The following GAS2 variants were observed in gnomAD, a reference collection of about 807,000 sequenced individuals.
GAS2 encodes the protein growth arrest specific 2, also known as growth arrest-specific protein 2.
Under a neutral mutation model 37.5 loss-of-function variants are expected in GAS2, and 20 were observed. The observed-to-expected ratio is 0.53, with a 90% CI of 0.37 to 0.77. GAS2 has a LOEUF of 0.77. Ranked by LOEUF, GAS2 falls within the 30% of genes least tolerant of loss-of-function variation. The pLI is 0.00. For synonymous variants in GAS2, 144 were observed against 132.2 expected (o/e 1.09, Z -0.61); for missense variants, 336 against 373.4 (o/e 0.90, Z 0.82).
At chr11:22,763,697 C>T (rs1052953593) in intron 7 of GAS2, among the ~76,000 whole-genome samples, 31 of 150,920 alleles carry the variant, frequency 2.1e-4, no homozygotes, top group Admixed American at 1.6e-3. Context: ...ATAGTGGATG[C>T]CATTTTAAAA....
At position 22,721,438 on chromosome 11, in the gene GAS2, T is replaced by C. The variant is rs562314541; in HGVS notation, c.268-4854T>C. Among the ~76,000 whole-genome samples the C allele has an allele frequency of 5.3e-5, 8 of 152,170 alleles. No homozygotes were observed. In the South Asian group the frequency reaches 1.7e-3, roughly 31 times the overall value. On this transcript the variant is annotated intron_variant, in intron 3 of 7. Transcript: ENST00000454584. The stretch of plus-strand genomic sequence containing the variant: ...AAAATGACTTTCATGTTTGTATGTC[T>C]TAGTAACTACACCCAGGGTAACTAC...
intron 1 of GAS2, among the ~76,000 whole-genome samples, chr11:22,648,770 A>G (rs1474258331): frequency 6.6e-6 from 1 of 152,164 alleles, no homozygotes; most frequent in Non-Finnish European, 1.5e-5. Flanking sequence ...TTGTACATTG[A>G]TTTTGTATCC....
At chr11:22,721,724 C>T (rs892435354) in intron 3 of GAS2, among the ~76,000 whole-genome samples, 9 of 151,980 alleles carry the variant, frequency 5.9e-5, no homozygotes, top group African/African-American at 2.2e-4. Flanking sequence ...AGATATAGGA[C>T]ATTTTTATCA....
At chr11:22,667,380 A>T (rs1336330696) in intron 1 of GAS2, among the ~76,000 whole-genome samples, 3 of 152,124 alleles carry the variant, frequency 2.0e-5, no homozygotes, top group African/African-American at 7.2e-5. Flanking sequence ...TGAATGTTTT[A>T]CTTGAGTCGT....
At chr11:22,748,061 T>C (rs75442112) in intron 5 of GAS2, among the ~76,000 whole-genome samples, 2,097 of 152,188 alleles carry the variant, frequency 0.014, 57 homozygotes, top group African/African-American at 0.048. Context: ...ATATTCTCTA[T>C]CTATAGATTA....
At chr11:22,758,738 A>AC (rs1854189732) in intron 7 of GAS2, among the ~76,000 whole-genome samples, 1 of 151,522 alleles carries the variant, frequency 6.6e-6, no homozygotes, top group Admixed American at 6.6e-5. Context: ...ACATGGAGAA[A>AC]CCCCACCTCT....
At chr11:22,725,541 G>T (rs1852158356) in intron 3 of GAS2, among the ~76,000 whole-genome samples, 2 of 152,008 alleles carry the variant, frequency 1.3e-5, no homozygotes, top group South Asian at 4.1e-4. Context: ...CAATCCTCTT[G>T]CCTCAGCTCC....
chr11:22,788,732 G>A (rs1395307082), intron 7 of GAS2, among the ~76,000 whole-genome samples: 3 of 151,990 alleles, frequency 2.0e-5, no homozygotes, highest in African/African-American at 4.8e-5. Flanking sequence ...AGACAACATC[G>A]TATAATAGTC....
intron 3 of GAS2, among the ~76,000 whole-genome samples, chr11:22,706,460 A>T (rs1443084213): frequency 6.6e-6 from 1 of 151,974 alleles, no homozygotes; most frequent in East Asian, 1.9e-4. Context: ...CATTAGGTAT[A>T]TCTCCCAATG....
chr11:22,784,178 G>A (rs775491255), intron 7 of GAS2, among the ~76,000 whole-genome samples: 30 of 152,158 alleles, frequency 2.0e-4, no homozygotes, highest in Non-Finnish European at 4.0e-4. Flanking sequence ...TGTGAAAAAT[G>A]ATTGGTAGTT....
chr11:22,796,735 A>G (rs978321331), intron 7 of GAS2, among the ~76,000 whole-genome samples: 3 of 152,056 alleles, frequency 2.0e-5, no homozygotes, highest in African/African-American at 7.2e-5. Context: ...TATCATCATC[A>G]TGGAGTGTTA....
chr11:22,794,489 A>G (rs1025824276), intron 7 of GAS2, among the ~76,000 whole-genome samples: 1 of 152,142 alleles, frequency 6.6e-6, no homozygotes, highest in Non-Finnish European at 1.5e-5. Flanking sequence ...GAGTAGGAAG[A>G]TGACGATCTA....
chr11:22,758,921 A>AAAAAAAAAAAAT (rs1379638404), intron 7 of GAS2, among the ~76,000 whole-genome samples: 10 of 150,522 alleles, frequency 6.6e-5, no homozygotes, highest in Non-Finnish European at 1.5e-4. Flanking sequence ...CTCAAAAAAA[A>AAAAAAAAAAAAT]AAAAAAGAGA....
chr11:22,759,350 G>A (rs1303259599), intron 7 of GAS2, among the ~76,000 whole-genome samples: 1 of 152,134 alleles, frequency 6.6e-6, no homozygotes, highest in East Asian at 1.9e-4. Context: ...GCTTGTTTAT[G>A]TTCATATTTC....
intron 7 of GAS2, among the ~76,000 whole-genome samples, chr11:22,775,919 C>T (rs974023426): frequency 2.6e-5 from 4 of 152,132 alleles, no homozygotes; most frequent in Non-Finnish European, 1.5e-5. Flanking sequence ...GAGACTAAGA[C>T]ATTATATTAA....
At chr11:22,656,916 T>A (rs894786880) in intron 1 of GAS2, among the ~76,000 whole-genome samples, 2 of 152,252 alleles carry the variant, frequency 1.3e-5, no homozygotes, top group African/African-American at 4.8e-5. Context: ...TAGCTTTAAC[T>A]TTTATGATGT....
chr11:22,724,197 C>A (rs337446), intron 3 of GAS2, among the ~76,000 whole-genome samples: 135,856 of 151,980 alleles, frequency 0.89, 62,504 homozygotes, highest in East Asian at 1. Flanking sequence ...ATAAAATGAT[C>A]CATCATAGGA....
At chr11:22,673,704 A>G (rs1590605882) in intron 1 of GAS2, among the ~76,000 whole-genome samples, 1 of 152,218 alleles carries the variant, frequency 6.6e-6, no homozygotes, top group South Asian at 2.1e-4. Context: ...GTCAGGAGTT[A>G]AAGACCAGCC....
intron 4 of GAS2, among the ~76,000 whole-genome samples, chr11:22,729,641 G>A (rs1271899923): frequency 6.6e-6 from 1 of 151,426 alleles, no homozygotes; most frequent in Non-Finnish European, 1.5e-5. Context: ...GAACCTATTT[G>A]CAAAAGACTT....
Sources: allele counts gnomAD v4.1 joint callset (sites outside exome capture counted in the v4.1 genomes callset), GRCh38; gene constraint gnomAD v4.1.1; transcripts MANE v1.5; gene names NCBI Gene and HGNC (gene_info 2026-07-23, HGNC 2026-07-21).